GABRA1: variants seen among roughly 807,000 people sequenced by gnomAD.
The protein encoded by GABRA1 is gamma-aminobutyric acid type A receptor subunit alpha1.
Under a neutral mutation model 48.9 loss-of-function variants are expected in GABRA1, and 9 were observed. The observed-to-expected ratio is 0.18, with a 90% CI of 0.11 to 0.32. GABRA1 has a LOEUF of 0.32. GABRA1 is among the 10% of genes least tolerant of loss of function. The pLI, the probability that GABRA1 is intolerant of heterozygous loss-of-function variation, is 1.00. For missense variants in GABRA1, 285 were observed against 553.8 expected (o/e 0.51, Z 4.87); for synonymous variants, 210 against 198.7 (o/e 1.06, Z -0.48).
chr5:161,870,952 G>GTTGCTC (rs1754091090), intron 4 of GABRA1, among the ~76,000 whole-genome samples: 1 of 46,054 alleles, frequency 2.2e-5, no homozygotes, highest in African/African-American at 4.5e-5. Flanking sequence ...TGCTCTGTGT[G>GTTGCTC]TGTGTGTGTG....
rs1755059942 is a variant in GABRA1 at position 161,890,902 on chromosome 5, A to G, written c.708A>G (p.Glu236=). 1 of 1,613,420 alleles carries G rather than the reference A, an allele frequency of 6.2e-7. No homozygotes were observed. The highest frequency in any genetic ancestry group is 8.5e-7 in the Non-Finnish European group (1 of 1,179,484). Residue 236 remains glutamate (E), a synonymous_variant, in exon 8 of 10, where the codon GAA becomes GAG. Transcript: ENST00000393943. ...DSGIVQSSTG[E]YVVMTTHFHL... ...CTTGTGTGTTTTACTTCTCAGGAGA[A>G]TATGTTGTTATGACCACTCATTTCC...
chr5:161,861,265 C>T lies in GABRA1; in HGVS notation c.188-4456C>T, dbSNP rs564912805. Among the ~76,000 whole-genome samples, 119 of 151,664 alleles carry T rather than the reference C, an allele frequency of 7.8e-4. 1 individual carries two copies. The highest frequency in any genetic ancestry group is 2.6e-3 in the African/African-American group (109 of 41,432). On this transcript the variant is annotated intron_variant, in intron 3 of 9. Coordinates refer to ENST00000393943, the MANE Select transcript of GABRA1 (RefSeq NM_001127644.2). ...TTGTATCCAAACATCTCAGGTACTCCGTAAATGCATACACCTACTATGTTC... is the reference window on the plus strand; with the variant it reads ...TTGTATCCAAACATCTCAGGTACTCTGTAAATGCATACACCTACTATGTTC...
intron 1 of GABRA1, 46 bp from the exon 2 acceptor site, chr5:161,850,750 A>C (rs1008805895): frequency 2.0e-6 from 3 of 1,509,252 alleles, no homozygotes; most frequent in African/African-American, 2.7e-5. Context: ...TTATAACCTG[A>C]TGTTTCTTGC....
At chr5:161,889,878 TAATC>T (rs1217153590) in intron 7 of GABRA1, among the ~76,000 whole-genome samples, 1 of 151,974 alleles carries the variant, frequency 6.6e-6, no homozygotes, top group African/African-American at 2.4e-5. Context: ...CTAATGCTGC[TAATC>T]AGTCTCCATT....
At chr5:161,885,412 C>A (rs561836354) in intron 7 of GABRA1, among the ~76,000 whole-genome samples, 97 of 152,250 alleles carry the variant, frequency 6.4e-4, no homozygotes, top group Non-Finnish European at 1.2e-3. Context: ...AGAGAGAACA[C>A]ACACATTGAG....
At chr5:161,888,561 A>AT (rs1395001491) in intron 7 of GABRA1, among the ~76,000 whole-genome samples, 2 of 151,974 alleles carry the variant, frequency 1.3e-5, no homozygotes, top group Non-Finnish European at 2.9e-5. Flanking sequence ...ACAGACACTC[A>AT]TTTTTCTGAC....
At chr5:161,888,029 T>G (rs1252952481) in intron 7 of GABRA1, among the ~76,000 whole-genome samples, 1 of 152,168 alleles carries the variant, frequency 6.6e-6, no homozygotes, top group Non-Finnish European at 1.5e-5. Context: ...TGAAAAATTA[T>G]ATTAGTTGCT....
intron 3 of GABRA1, among the ~76,000 whole-genome samples, chr5:161,858,140 T>C (rs1411976453): frequency 6.6e-6 from 1 of 151,514 alleles, no homozygotes; most frequent in East Asian, 1.9e-4. Flanking sequence ...TGTCCCTTGA[T>C]CAATTTATAT....
intron 4 of GABRA1, 104 bp downstream of exon 4, chr5:161,865,892 G>C: frequency 2.2e-6 from 2 of 894,902 alleles, no homozygotes; most frequent in Non-Finnish European, 3.7e-6. Context: ...GAAAAGTCTT[G>C]GCTATACTTT....
chr5:161,853,944 A>G (rs1291264129), intron 2 of GABRA1, among the ~76,000 whole-genome samples: 2 of 151,830 alleles, frequency 1.3e-5, no homozygotes, highest in Admixed American at 6.6e-5. Context: ...CATTTCTTAC[A>G]ATTTTCCTTT....
At chr5:161,859,673 A>G (rs1352306359) in intron 3 of GABRA1, among the ~76,000 whole-genome samples, 2 of 151,742 alleles carry the variant, frequency 1.3e-5, no homozygotes, top group African/African-American at 2.4e-5. Flanking sequence ...CCCTTGTAAC[A>G]TTGAGATCAG....
chr5:161,849,172 G>A (rs1017936654), intron 1 of GABRA1: 9 of 255,348 alleles, frequency 3.5e-5, no homozygotes, highest in African/African-American at 1.4e-4. Flanking sequence ...GCCATGATAG[G>A]TTTGTTTTTC....
Position 161,891,165 on chromosome 5 carries a change from A to T in GABRA1, c.856+115A>T, listed in dbSNP as rs143553292. ...ATATACACTCAAATATTAAGTTCAT[A>T]TAACAGAAAGTTTCAAGGAATTGCC... On this transcript the variant is annotated intron_variant, in intron 8 of 9. Coordinates refer to ENST00000393943, the MANE Select transcript of GABRA1 (RefSeq NM_001127644.2). The T allele has an allele frequency of 4.9e-4, 493 of 1,012,942 alleles. 5 individuals are homozygous for T. The East Asian group carries it at 0.011, about 23-fold the overall frequency. The allele number at this position is 1,012,942 out of a possible 1,614,324, so 62.7% of individuals were successfully genotyped here. A position where few individuals can be genotyped will look rare whatever the true frequency, so the allele number is the denominator to read the frequency against.
chr5:161,890,594 A>T (rs536486533), intron 7 of GABRA1, among the ~76,000 whole-genome samples: 1 of 152,146 alleles, frequency 6.6e-6, no homozygotes, highest in East Asian at 1.9e-4. Context: ...CAATTTAAGG[A>T]TTGGAAAGCC....
intron 7 of GABRA1, among the ~76,000 whole-genome samples, chr5:161,887,404 C>T (rs144739104): frequency 6.4e-4 from 98 of 151,942 alleles, no homozygotes; most frequent in Admixed American, 1.2e-3. Context: ...AGTACATGGT[C>T]TCCAGAGAAA....
At chr5:161,849,223 C>T (rs1384975042) in intron 1 of GABRA1, among the ~76,000 whole-genome samples, 2 of 152,048 alleles carry the variant, frequency 1.3e-5, no homozygotes, top group African/African-American at 2.4e-5. Context: ...TCTATGGTGC[C>T]TTGTCAAATG....
chr5:161,852,433 G>C (rs1217829405), intron 2 of GABRA1, among the ~76,000 whole-genome samples: 1 of 151,632 alleles, frequency 6.6e-6, no homozygotes, highest in Non-Finnish European at 1.5e-5. Context: ...TCCCGATCAG[G>C]GCCTCCTCAC....
At chr5:161,891,327 A>G (rs113757558) in intron 8 of GABRA1, among the ~76,000 whole-genome samples, 216 of 152,312 alleles carry the variant, frequency 1.4e-3, no homozygotes, top group African/African-American at 5.0e-3. Context: ...AAAATGCATA[A>G]TATTAAAAAC....
In GABRA1 at chr5:161,861,632, A is replaced by G. The variant is rs60599169; in HGVS notation, c.188-4089A>G. Among the ~76,000 whole-genome samples, 699 of 151,930 alleles carry G rather than the reference A, an allele frequency of 4.6e-3. 2 individuals are homozygous for G. The highest frequency in any genetic ancestry group is 0.016 in the African/African-American group (645 of 41,506). On this transcript the variant is annotated intron_variant, in intron 3 of 9. Transcript: ENST00000393943. ...TACAGCCAAAACTAAGTAGCTCTACATATCATCTAGGGGATAGTTTCCTGT... is the reference window on the plus strand; with the variant it reads ...TACAGCCAAAACTAAGTAGCTCTACGTATCATCTAGGGGATAGTTTCCTGT...
Sources: allele counts gnomAD v4.1 joint callset (sites outside exome capture counted in the v4.1 genomes callset), GRCh38; gene constraint gnomAD v4.1.1; transcripts MANE v1.5; gene names NCBI Gene and HGNC (gene_info 2026-07-23, HGNC 2026-07-21).